The following KRAS variants were observed in gnomAD, a reference collection of about 807,000 sequenced individuals.
KRAS encodes the protein GTPase KRas.
A neutral mutation model predicts 21.0 loss-of-function variants in KRAS; 1 was observed. The observed-to-expected ratio is 0.05, with a 90% CI of 0.02 to 0.23. The LOEUF is 0.23. Among genes scored for constraint, KRAS ranks in the 10% least tolerant of loss-of-function variants. KRAS has a pLI of 1.00. For synonymous variants in KRAS, 67 were observed against 72.5 expected (o/e 0.92, Z 0.39); for missense variants, 107 against 221.8 (o/e 0.48, Z 3.29).
At chr12:25,215,138 T>C in intron 4 of KRAS, 1 of 442,926 alleles carries the variant, frequency 2.3e-6, no homozygotes, top group Non-Finnish European at 3.0e-6. Context: ...CTCAAAACTT[T>C]TCCCTTAAAA....
chr12:25,230,571 T>C (rs1271013701), intron 2 of KRAS, among the ~76,000 whole-genome samples: 3 of 152,186 alleles, frequency 2.0e-5, no homozygotes, highest in Non-Finnish European at 2.9e-5. Context: ...GAGGTTACGG[T>C]GAGCTGAGAT....
chr12:25,227,435 T>TG lies in KRAS; in HGVS notation c.112-24dup, dbSNP rs764786969. ...ATCCTGAGAAGGGAGAAACACAGTC[T>TG]GGATTATTACAGTGCACCTTTTACT... On this transcript the variant is annotated intron_variant, in intron 2 of 4. Transcript: ENST00000311936. 6.2e-6 allele frequency: 10 copies of TG among 1,611,268 alleles called. No individual in the cohort carries two copies. In the Middle Eastern group the frequency reaches 9.9e-4, roughly 160 times the overall value.
intron 4 of KRAS, among the ~76,000 whole-genome samples, chr12:25,212,332 T>A (rs1344356707): frequency 6.6e-6 from 1 of 152,196 alleles, no homozygotes; most frequent in African/African-American, 2.4e-5. Flanking sequence ...CATTTTATGG[T>A]GAAAACACAG....
intron 2 of KRAS, among the ~76,000 whole-genome samples, chr12:25,236,895 T>C (rs1232482511): frequency 6.6e-6 from 1 of 152,124 alleles, no homozygotes; most frequent in Non-Finnish European, 1.5e-5. Flanking sequence ...ACCTTAGATA[T>C]ACACCCGAGA....
intron 4 of KRAS, among the ~76,000 whole-genome samples, chr12:25,219,522 CT>C (rs1258195307): frequency 2.0e-5 from 3 of 152,138 alleles, no homozygotes; most frequent in Non-Finnish European, 4.4e-5. Flanking sequence ...GTTTTTGTTC[CT>C]GTTAAATCTG....
In KRAS at chr12:25,210,348, CAG is replaced by C. The variant is rs1330307782; in HGVS notation, c.451-439_451-438del. Among the ~76,000 whole-genome samples, 14 of 152,144 alleles carry C rather than the reference CAG, an allele frequency of 9.2e-5. No individual in the cohort carries two copies. The East Asian group carries it at 2.5e-3, about 27-fold the overall frequency. On this transcript the variant is annotated intron_variant, in intron 4 of 4. Transcript: ENST00000311936. Reference sequence around the variant, plus strand: ...GTTCATATATCTTCACACACAGTAACAGTATTTGAGCTCCAGTTCTATACTTA... The same window carrying C: ...GTTCATATATCTTCACACACAGTAACTATTTGAGCTCCAGTTCTATACTTA...
At chr12:25,228,132 G>C (rs1951416480) in intron 2 of KRAS, among the ~76,000 whole-genome samples, 3 of 149,828 alleles carry the variant, frequency 2.0e-5, no homozygotes, top group South Asian at 2.1e-4. Context: ...ATGCTAAAAG[G>C]AAATGCTCAC....
intron 2 of KRAS, among the ~76,000 whole-genome samples, chr12:25,228,730 T>G (rs1407712776): frequency 6.6e-6 from 1 of 152,160 alleles, no homozygotes; most frequent in Admixed American, 6.5e-5. Context: ...CACAACATTA[T>G]GAACACACTT....
chr12:25,228,334 C>T (rs565393823), intron 2 of KRAS, among the ~76,000 whole-genome samples: 76 of 150,710 alleles, frequency 5.0e-4, no homozygotes, highest in Middle Eastern at 6.9e-3. Context: ...GATTTTTGGA[C>T]GAGGGATGCT....
At position 25,206,999 on chromosome 12, in the gene KRAS, G is replaced by A. The variant is rs1456103910; in HGVS notation, c.*2796C>T. On this transcript the variant is annotated 3_prime_UTR_variant, in exon 5 of 5. Transcript: ENST00000311936. The stretch of plus-strand genomic sequence containing the variant: ...GTGATTTACATAAAGTAGCTTGATC[G>A]AAGAGTTTCAGTGGAATCGTAGCAA... 1.5e-5 allele frequency: 3 copies of A among 206,642 alleles called. No homozygotes were observed. The highest frequency in any genetic ancestry group is 3.0e-5 in the Non-Finnish European group (3 of 101,298). The allele number at this position is 206,642 out of a possible 1,614,324, so 12.8% of individuals were successfully genotyped here.
At chr12:25,216,901 T>C (rs946832460) in intron 4 of KRAS, among the ~76,000 whole-genome samples, 3 of 152,192 alleles carry the variant, frequency 2.0e-5, no homozygotes, top group Admixed American at 1.3e-4. Flanking sequence ...AGATGTAATA[T>C]TATGTTCATT....
At chr12:25,235,171 T>C (rs1055426062) in intron 2 of KRAS, 4 of 505,148 alleles carry the variant, frequency 7.9e-6, no homozygotes, top group African/African-American at 3.8e-5. Flanking sequence ...TGAAATTGTA[T>C]GTTTTCTTAA....
intron 1 of KRAS, among the ~76,000 whole-genome samples, chr12:25,248,964 C>A (rs1324324671): frequency 6.6e-6 from 1 of 152,188 alleles, no homozygotes; most frequent in Non-Finnish European, 1.5e-5. Context: ...ACTTCAGTGA[C>A]ACCAGTTTTA....
In KRAS at chr12:25,206,128, G is replaced by C. The variant is rs1053210479; in HGVS notation, c.*3667C>G. ...GTTTAGAAGAAAAAAAAAATCAATGGAATACAAATGAGATGAACTTGTGCA... is the reference window on the plus strand; with the variant it reads ...GTTTAGAAGAAAAAAAAAATCAATGCAATACAAATGAGATGAACTTGTGCA... On this transcript the variant is annotated 3_prime_UTR_variant, in exon 5 of 5. Transcript: ENST00000311936. 2 of 215,346 alleles carry C rather than the reference G, an allele frequency of 9.3e-6. No homozygotes were observed. The highest frequency in any genetic ancestry group is 2.3e-5 in the African/African-American group (1 of 44,366). 13.3% of individuals were successfully genotyped at this position (215,346 alleles called of 1,614,324 possible).
intron 4 of KRAS, among the ~76,000 whole-genome samples, chr12:25,217,875 C>A (rs1227343578): frequency 6.6e-6 from 1 of 152,138 alleles, no homozygotes; most frequent in Non-Finnish European, 1.5e-5. Context: ...GTCTGGGCAA[C>A]AGAGCAAGAC....
intron 2 of KRAS, among the ~76,000 whole-genome samples, chr12:25,228,779 G>A (rs1951426723): frequency 6.6e-6 from 1 of 152,176 alleles, no homozygotes; most frequent in East Asian, 1.9e-4. Flanking sequence ...AACTACCATG[G>A]TCTAGGCGCG....
intron 2 of KRAS, 86 bp downstream of exon 2, chr12:25,245,188 G>A (rs1357763001): frequency 7.5e-7 from 1 of 1,335,466 alleles, no homozygotes; most frequent in Admixed American, 2.0e-5. Context: ...CTTGTAATAA[G>A]TACTCATGAA....
intron 4 of KRAS, among the ~76,000 whole-genome samples, chr12:25,215,724 G>A (rs1458010890): frequency 1.3e-5 from 2 of 151,710 alleles, no homozygotes; most frequent in Non-Finnish European, 2.9e-5. Flanking sequence ...TTTAAAATAT[G>A]GGCTAGAATC....
intron 2 of KRAS, among the ~76,000 whole-genome samples, chr12:25,237,679 G>C (rs1951561423): frequency 6.6e-6 from 1 of 152,188 alleles, no homozygotes. Context: ...CTAAGCTATT[G>C]TTCCTTCAGC....
Sources: allele counts gnomAD v4.1 joint callset (sites outside exome capture counted in the v4.1 genomes callset), GRCh38; gene constraint gnomAD v4.1.1; transcripts MANE v1.5; gene names NCBI Gene and HGNC (gene_info 2026-07-23, HGNC 2026-07-21).